Variants in LRRC37A2 observed in about 807,000 individuals in gnomAD.
The protein encoded by LRRC37A2 is leucine-rich repeat-containing protein 37A2.
A neutral mutation model predicts 68.8 loss-of-function variants in LRRC37A2; 9 were observed. The ratio of observed to expected loss-of-function variants is 0.13; its 90% confidence interval spans 0.08 to 0.23. The LOEUF (loss-of-function observed/expected upper bound fraction) is 0.23. Among genes scored for constraint, LRRC37A2 ranks in the 10% least tolerant of loss-of-function variants. The pLI, the probability that LRRC37A2 is intolerant of heterozygous loss-of-function variation, is 1.00. For missense variants in LRRC37A2, 168 were observed against 950.4 expected (o/e 0.18, Z 10.82); for synonymous variants, 63 against 367.6 (o/e 0.17, Z 9.48).
At chr17:46,866,375 T>C in the LRRC37A2 span, among the ~76,000 whole-genome samples, 1 of 151,884 alleles carries the variant, frequency 6.6e-6, no homozygotes, top group Non-Finnish European at 1.5e-5. Flanking sequence ...AGTGTGTATG[T>C]GCGTGAGAAT....
At chr17:46,829,935 C>T in the LRRC37A2 span, among the ~76,000 whole-genome samples, 1 of 152,108 alleles carries the variant, frequency 6.6e-6, no homozygotes, top group Non-Finnish European at 1.5e-5. Flanking sequence ...TATACTAATT[C>T]CACCCTTGGC....
the LRRC37A2 span, among the ~76,000 whole-genome samples, chr17:46,779,103 A>AGACACACACACAC: frequency 7.5e-6 from 1 of 133,590 alleles, no homozygotes; most frequent in African/African-American, 2.8e-5. Flanking sequence ...ACACACACAC[A>AGACACACACACAC]CCCCAGCCCA....
the LRRC37A2 span, chr17:46,936,550 C>T: frequency 1.0e-6 from 1 of 985,436 alleles, no homozygotes; most frequent in Non-Finnish European, 1.2e-6. Flanking sequence ...GGATTTTCCA[C>T]CTACACCATT....
the LRRC37A2 span, among the ~76,000 whole-genome samples, chr17:46,888,905 C>G: frequency 6.6e-6 from 1 of 152,176 alleles, no homozygotes; most frequent in Non-Finnish European, 1.5e-5. Flanking sequence ...ATCACTACCC[C>G]CATTTTACAG....
the LRRC37A2 span, among the ~76,000 whole-genome samples, chr17:46,928,095 A>G: frequency 1.3e-5 from 2 of 151,728 alleles, no homozygotes; most frequent in African/African-American, 4.8e-5. Context: ...GCATCATCCC[A>G]CAATATCCCA....
the LRRC37A2 span, among the ~76,000 whole-genome samples, chr17:46,792,731 C>A: frequency 6.6e-6 from 1 of 152,304 alleles, no homozygotes; most frequent in African/African-American, 2.4e-5. Flanking sequence ...CTCTGCCTCC[C>A]AAAGCGCTGG....
chr17:46,940,617 A>C, the LRRC37A2 span: 2 of 1,614,116 alleles, frequency 1.2e-6, no homozygotes, highest in Admixed American at 3.3e-5. Context: ...CAGCTGAGCC[A>C]TTTGTTCTTG....
At chr17:46,558,399 T>C (rs2057402860), downstream of LRRC37A2, among the ~76,000 whole-genome samples, 1 of 107,780 alleles carries the variant, frequency 9.3e-6, no homozygotes, top group South Asian at 2.8e-4. Flanking sequence ...TTTGTTTGTT[T>C]GTTTGTTTTT....
chr17:46,942,026 G>A, the LRRC37A2 span: 1 of 882,562 alleles, frequency 1.1e-6, no homozygotes, highest in Non-Finnish European at 1.4e-6. Context: ...TCCTACCTTA[G>A]TCCAAAAAAG....
chr17:46,824,507 C>G, the LRRC37A2 span, among the ~76,000 whole-genome samples: 2 of 152,246 alleles, frequency 1.3e-5, no homozygotes, highest in Non-Finnish European at 2.9e-5. Flanking sequence ...CCTTGGCCTC[C>G]CAAAGTGCTG....
At chr17:46,857,425 A>G in the LRRC37A2 span, among the ~76,000 whole-genome samples, 1 of 150,626 alleles carries the variant, frequency 6.6e-6, no homozygotes, top group Non-Finnish European at 1.5e-5. Context: ...CAGTGAGCCA[A>G]GACTGTGCCA....
the LRRC37A2 span, among the ~76,000 whole-genome samples, chr17:46,761,407 T>C: frequency 6.6e-6 from 1 of 151,158 alleles, no homozygotes; most frequent in Non-Finnish European, 1.5e-5. Context: ...TCTCAGCTCA[T>C]TGCAACCTCC....
At chr17:46,957,625 CA>C in the LRRC37A2 span, among the ~76,000 whole-genome samples, 1 of 152,052 alleles carries the variant, frequency 6.6e-6, no homozygotes, top group African/African-American at 2.4e-5. Flanking sequence ...AACAAACAAA[CA>C]AACAAACAAA....
At chr17:46,793,457 G>A in the LRRC37A2 span, among the ~76,000 whole-genome samples, 1 of 152,206 alleles carries the variant, frequency 6.6e-6, no homozygotes, top group East Asian at 1.9e-4. Context: ...CCGCCTATCA[G>A]TCTTTTTTCT....
the LRRC37A2 span, among the ~76,000 whole-genome samples, chr17:47,022,203 C>CTTTTTTTTTTT: frequency 6.8e-5 from 3 of 43,870 alleles, no homozygotes; most frequent in Non-Finnish European, 1.6e-4. Flanking sequence ...CAGGTTCTTA[C>CTTTTTTTTTTT]TTTGTCCTCT....
the LRRC37A2 span, among the ~76,000 whole-genome samples, chr17:46,714,971 G>A: frequency 6.6e-6 from 1 of 152,170 alleles, no homozygotes; most frequent in African/African-American, 2.4e-5. Context: ...GAATTCTTCG[G>A]TGTTTCTTTG....
the LRRC37A2 span, chr17:46,851,691 C>G: frequency 7.8e-7 from 1 of 1,290,188 alleles, no homozygotes; most frequent in South Asian, 2.5e-5. This position sits in a 1 kb window ranked among gnomAD's most constrained non-coding sequence, Gnocchi z 4.3. Flanking sequence ...CTGGCGCTGC[C>G]CGCCGCCGCC....
At chr17:46,843,458 A>C in the LRRC37A2 span, among the ~76,000 whole-genome samples, 2 of 152,176 alleles carry the variant, frequency 1.3e-5, no homozygotes, top group Non-Finnish European at 2.9e-5. Context: ...CACTCTGCAA[A>C]ATCCAGCTCA....
intron 8 of LRRC37A2, among the ~76,000 whole-genome samples, chr17:46,542,907 C>T (rs2055652336): frequency 6.7e-6 from 1 of 149,940 alleles, no homozygotes; most frequent in African/African-American, 2.5e-5. Flanking sequence ...TAGCACTCTG[C>T]TCCGTTCATT....
Sources: gnomAD v4.1 joint callset for allele counts (sites outside exome capture counted in the v4.1 genomes callset) on GRCh38, gnomAD v4.1.1 for gene constraint, Gnocchi (gnomAD v3.1) non-coding constraint, MANE v1.5 for transcripts, NCBI Gene and HGNC (gene_info 2026-07-23, HGNC 2026-07-21) for gene names.